The following ASIC2 variants were observed in gnomAD, a reference collection of about 807,000 sequenced individuals.
ASIC2 encodes the protein acid-sensing ion channel 2.
ASIC2 carries 25 observed loss-of-function variants against 57.3 expected under a neutral mutation model. That is an observed-to-expected ratio of 0.44 (90% confidence interval 0.32 to 0.61). The LOEUF is 0.61. ASIC2 is among the 20% of genes least tolerant of loss of function. ASIC2 has a pLI of 0.06. For synonymous variants in ASIC2, 319 were observed against 307.5 expected (o/e 1.04, Z -0.39); for missense variants, 641 against 738.1 (o/e 0.87, Z 1.52).
chr17:33,522,985 C>T (rs1442507344), intron 1 of ASIC2, among the ~76,000 whole-genome samples: 1 of 150,716 alleles, frequency 6.6e-6, no homozygotes, highest in East Asian at 2.0e-4. Flanking sequence ...AGCCAGGTTG[C>T]AGGAAGGAAA....
At chr17:33,725,267 G>T (rs1177249987) in intron 1 of ASIC2, among the ~76,000 whole-genome samples, 4 of 152,210 alleles carry the variant, frequency 2.6e-5, no homozygotes, top group Non-Finnish European at 5.9e-5. Flanking sequence ...GAAAATACGT[G>T]GAGGGAAGGG....
chr17:33,134,785 C>A (rs985538602), intron 1 of ASIC2, among the ~76,000 whole-genome samples: 14 of 151,974 alleles, frequency 9.2e-5, no homozygotes, highest in African/African-American at 3.4e-4. Flanking sequence ...GAGCAGAGCT[C>A]TGAGAAGGGG....
At chr17:33,421,763 C>T (rs1486822887) in intron 1 of ASIC2, among the ~76,000 whole-genome samples, 3 of 152,116 alleles carry the variant, frequency 2.0e-5, no homozygotes, top group Non-Finnish European at 4.4e-5. Context: ...ATGTGACAGC[C>T]CATGCTGTTC....
chr17:33,032,898 C>T (rs1292494242), intron 3 of ASIC2, among the ~76,000 whole-genome samples: 4 of 152,268 alleles, frequency 2.6e-5, no homozygotes, highest in Non-Finnish European at 4.4e-5. Flanking sequence ...CATTTCCCAT[C>T]ATGCTGAAGA....
chr17:33,913,171 T>C (rs1157584693), intron 1 of ASIC2, among the ~76,000 whole-genome samples: 2 of 152,068 alleles, frequency 1.3e-5, no homozygotes, highest in Admixed American at 6.6e-5. Flanking sequence ...GACTATTTGG[T>C]ACCTTAAGGG....
intron 1 of ASIC2, among the ~76,000 whole-genome samples, chr17:33,309,337 T>C (rs897591175): frequency 4.6e-5 from 7 of 152,194 alleles, no homozygotes; most frequent in African/African-American, 1.7e-4. Context: ...AAGACAAAGA[T>C]GAGACATCGG....
intron 1 of ASIC2, among the ~76,000 whole-genome samples, chr17:34,015,283 G>C (rs1346013519): frequency 6.6e-6 from 1 of 152,092 alleles, no homozygotes; most frequent in Non-Finnish European, 1.5e-5. Flanking sequence ...CAATGTGCAA[G>C]GGTAGAGACT....
At chr17:33,529,043 G>C (rs1039566292) in intron 1 of ASIC2, among the ~76,000 whole-genome samples, 2 of 152,190 alleles carry the variant, frequency 1.3e-5, no homozygotes, top group African/African-American at 2.4e-5. Flanking sequence ...GACAGTTCAG[G>C]AGGAAAGAAT....
intron 1 of ASIC2, among the ~76,000 whole-genome samples, chr17:34,100,510 G>A (rs1315137187): frequency 1.3e-5 from 2 of 152,134 alleles, no homozygotes; most frequent in Non-Finnish European, 2.9e-5. Flanking sequence ...TTTATCCAGA[G>A]CAATTATCTT....
chr17:33,989,363 C>T (rs1395320708), intron 1 of ASIC2, among the ~76,000 whole-genome samples: 1 of 151,902 alleles, frequency 6.6e-6, no homozygotes, highest in African/African-American at 2.4e-5. Flanking sequence ...AAGGACACGG[C>T]AAAGGTGACC....
intron 1 of ASIC2, among the ~76,000 whole-genome samples, chr17:34,075,351 A>C (rs1280994644): frequency 6.6e-6 from 1 of 152,186 alleles, no homozygotes; most frequent in Non-Finnish European, 1.5e-5. Context: ...CTTCCACAAA[A>C]TTAGCTGTGT....
At chr17:33,830,621 T>C (rs759556792) in intron 1 of ASIC2, among the ~76,000 whole-genome samples, 1 of 152,124 alleles carries the variant, frequency 6.6e-6, no homozygotes, top group Non-Finnish European at 1.5e-5. Flanking sequence ...TAGGTATACA[T>C]GGGCCACGGT....
At chr17:33,213,234 G>A (rs1000336730) in intron 1 of ASIC2, among the ~76,000 whole-genome samples, 2 of 152,218 alleles carry the variant, frequency 1.3e-5, no homozygotes, top group African/African-American at 4.8e-5. Flanking sequence ...GCCAGGGCCA[G>A]GAGGTGGGCA....
intron 1 of ASIC2, among the ~76,000 whole-genome samples, chr17:33,843,376 T>C (rs961139261): frequency 6.6e-6 from 1 of 152,186 alleles, no homozygotes; most frequent in African/African-American, 2.4e-5. Context: ...CTTTCTTGAA[T>C]AAAATTTCTC....
In ASIC2 at chr17:33,960,901, A is replaced by G. The variant is rs1904899159; in HGVS notation, c.555+195077T>C. On this transcript the variant is annotated intron_variant, in intron 1 of 9. Transcript: ENST00000359872. ...CGAGAGTCAGATCCGTGCTGCTCTA[A>G]TCTCCACGCTATCACTAGGACATGA... is the stretch of plus-strand genomic sequence containing the variant. 1.3e-5 allele frequency among the ~76,000 whole-genome samples: 2 copies of G among 152,188 alleles called. 1 individual carries two copies. The highest frequency in any genetic ancestry group is 4.1e-4 in the South Asian group (2 of 4,824).
In ASIC2 at chr17:33,270,729, T is replaced by C. The variant is rs1200479410; in HGVS notation, c.708+20679A>G. On this transcript the variant is annotated intron_variant, in intron 1 of 9. Coordinates refer to ENST00000225823, the MANE Select transcript of ASIC2 (RefSeq NM_183377.2). ...ATTTCTAACCCTGACAAAGGCTGGA[T>C]TGCCCAAATGAAATCTTCCCTTCCT... Among the ~76,000 whole-genome samples the C allele has an allele frequency of 3.3e-5, 5 of 152,188 alleles. No individual in the cohort carries two copies. In the South Asian group the frequency reaches 6.2e-4, roughly 19 times the overall value.
intron 1 of ASIC2, among the ~76,000 whole-genome samples, chr17:33,892,538 A>C (rs75282077): frequency 1.9e-4 from 29 of 152,144 alleles, no homozygotes; most frequent in African/African-American, 7.0e-4. Flanking sequence ...ACATTACTCA[A>C]ATAGAAGGGC....
intron 1 of ASIC2, among the ~76,000 whole-genome samples, chr17:33,715,239 C>T (rs527800362): frequency 5.9e-5 from 9 of 152,090 alleles, no homozygotes; most frequent in Non-Finnish European, 1.2e-4. Flanking sequence ...TGGCCTCAAG[C>T]GATCCTCGCA....
intron 1 of ASIC2, among the ~76,000 whole-genome samples, chr17:33,253,256 CCAGCCAGTATGAA>C (rs1908948295): frequency 6.6e-6 from 1 of 152,176 alleles, no homozygotes; most frequent in Non-Finnish European, 1.5e-5. Context: ...ACACTGCCTT[CCAGCCAGTATGAA>C]CAGCTTCAGG....
Sources: gnomAD v4.1 joint callset for allele counts (sites outside exome capture counted in the v4.1 genomes callset) on GRCh38, gnomAD v4.1.1 for gene constraint, MANE v1.5 for transcripts, NCBI Gene and HGNC (gene_info 2026-07-23, HGNC 2026-07-21) for gene names.